Variants in SAMD5 observed in about 807,000 individuals in gnomAD.
The protein encoded by SAMD5 is sterile alpha motif domain containing 5.
SAMD5 carries 13 observed loss-of-function variants against 11.3 expected under a neutral mutation model. That is an observed-to-expected ratio of 1.15 (90% CI 0.75 to 1.83). The LOEUF (loss-of-function observed/expected upper bound fraction) is 1.83. SAMD5 is among the 40% of genes most tolerant of loss of function. The pLI is 0.00. For synonymous variants in SAMD5, 129 were observed against 111.3 expected (o/e 1.16, Z -1.00); for missense variants, 255 against 239.1 (o/e 1.07, Z -0.44).
chr6:147,864,071 T>G, the SAMD5 span, among the ~76,000 whole-genome samples: 3 of 152,046 alleles, frequency 2.0e-5, no homozygotes. Flanking sequence ...CTCAAACTCC[T>G]GACCTCATGA....
chr6:147,929,432 C>T, the SAMD5 span, among the ~76,000 whole-genome samples: 7 of 152,170 alleles, frequency 4.6e-5, no homozygotes, highest in African/African-American at 9.6e-5. Context: ...CCTAACACCC[C>T]GTTTTAATAT....
the SAMD5 span, among the ~76,000 whole-genome samples, chr6:147,749,509 G>A: frequency 6.6e-6 from 1 of 152,180 alleles, no homozygotes; most frequent in African/African-American, 2.4e-5. Context: ...TCCTATAAAT[G>A]TGTGGAGGAC....
intron 1 of SAMD5, among the ~76,000 whole-genome samples, chr6:147,596,816 G>A (rs1789538618): frequency 6.6e-6 from 1 of 152,166 alleles, no homozygotes; most frequent in Non-Finnish European, 1.5e-5. Context: ...TGGAAGAAGG[G>A]TCTATGTCTG....
At chr6:147,659,903 A>C (rs547715133) in intron 1 of SAMD5, among the ~76,000 whole-genome samples, 1 of 152,294 alleles carries the variant, frequency 6.6e-6, no homozygotes, top group East Asian at 1.9e-4. Context: ...CTGTGGAAAG[A>C]AACCAGCTTT....
At chr6:147,634,189 T>C (rs774772044) in intron 1 of SAMD5, among the ~76,000 whole-genome samples, 3 of 152,162 alleles carry the variant, frequency 2.0e-5, no homozygotes, top group Non-Finnish European at 4.4e-5. Flanking sequence ...GGGTAACGTA[T>C]AAAGAAAAGA....
At chr6:147,918,432 G>T in the SAMD5 span, among the ~76,000 whole-genome samples, 6 of 152,182 alleles carry the variant, frequency 3.9e-5, no homozygotes, top group East Asian at 1.2e-3. Context: ...TTGAAAACTG[G>T]CACAAGAGAG....
the SAMD5 span, among the ~76,000 whole-genome samples, chr6:147,753,880 G>A: frequency 1.3e-5 from 2 of 152,076 alleles, no homozygotes. Flanking sequence ...GCAAATGACA[G>A]CATCTATTTC....
At chr6:147,776,744 G>A in the SAMD5 span, among the ~76,000 whole-genome samples, 1 of 152,140 alleles carries the variant, frequency 6.6e-6, no homozygotes, top group East Asian at 1.9e-4. Context: ...TTTAAATGCG[G>A]TGACAAGGGA....
chr6:147,877,487 A>G, the SAMD5 span, among the ~76,000 whole-genome samples: 1 of 152,210 alleles, frequency 6.6e-6, no homozygotes, highest in Non-Finnish European at 1.5e-5. Context: ...GTCAAAATGT[A>G]TTTGACACAT....
At chr6:147,745,777 CTTTTTTTTT>C in the SAMD5 span, among the ~76,000 whole-genome samples, 20 of 133,264 alleles carry the variant, frequency 1.5e-4, no homozygotes, top group Admixed American at 1.2e-3. Context: ...TTCTTTCTTT[CTTTTTTTTT>C]TTTTTTTTTT....
chr6:147,807,639 T>C, the SAMD5 span, among the ~76,000 whole-genome samples: 3 of 152,204 alleles, frequency 2.0e-5, no homozygotes, highest in Non-Finnish European at 4.4e-5. Flanking sequence ...ACTAAACATG[T>C]CATTACTAAA....
chr6:147,887,495 A>G, the SAMD5 span, among the ~76,000 whole-genome samples: 166 of 152,360 alleles, frequency 1.1e-3, 2 homozygotes, highest in Admixed American at 3.7e-3. Flanking sequence ...ATCCTATGAG[A>G]ACATGAATTA....
chr6:147,721,481 A>G (rs1172085017), intron 1 of SAMD5, among the ~76,000 whole-genome samples: 5 of 152,064 alleles, frequency 3.3e-5, no homozygotes, highest in Admixed American at 6.5e-5. Flanking sequence ...GTGTTTTTTG[A>G]CTGCATAAAT....
At chr6:147,832,539 T>C in the SAMD5 span, among the ~76,000 whole-genome samples, 1 of 152,154 alleles carries the variant, frequency 6.6e-6, no homozygotes, top group African/African-American at 2.4e-5. Context: ...CTTTCTAGAC[T>C]ACCATCGCCT....
intron 1 of SAMD5, among the ~76,000 whole-genome samples, chr6:147,676,527 C>T (rs1032083472): frequency 6.6e-6 from 1 of 152,078 alleles, no homozygotes; most frequent in Non-Finnish European, 1.5e-5. Context: ...AAAGTCTATA[C>T]CTCTTGTATA....
chr6:147,542,380 C>T (rs965521716), intron 1 of SAMD5, among the ~76,000 whole-genome samples: 3 of 152,078 alleles, frequency 2.0e-5, no homozygotes, highest in African/African-American at 4.8e-5. Flanking sequence ...TGGACAGAGC[C>T]GATTCAACAA....
At chr6:147,832,316 C>G in the SAMD5 span, among the ~76,000 whole-genome samples, 2 of 152,144 alleles carry the variant, frequency 1.3e-5, no homozygotes, top group African/African-American at 4.8e-5. Flanking sequence ...TTTTCTCATA[C>G]TGTTATCTAA....
chr6:147,839,507 G>T, the SAMD5 span, among the ~76,000 whole-genome samples: 1 of 152,122 alleles, frequency 6.6e-6, no homozygotes, highest in Non-Finnish European at 1.5e-5. Flanking sequence ...CCAGCATTTT[G>T]GGGGGGCTGA....
the SAMD5 span, among the ~76,000 whole-genome samples, chr6:147,870,449 A>T: frequency 1.8e-4 from 25 of 137,700 alleles, no homozygotes; most frequent in South Asian, 2.4e-4. Flanking sequence ...TGTGTGTGTG[A>T]GTGTGTGTGT....
Sources: allele counts gnomAD v4.1 joint callset (sites outside exome capture counted in the v4.1 genomes callset), GRCh38; gene constraint gnomAD v4.1.1; transcripts MANE v1.5; gene names NCBI Gene and HGNC (gene_info 2026-07-23, HGNC 2026-07-21).